AASDH: variants seen among roughly 807,000 people sequenced by gnomAD.
AASDH encodes the protein beta-alanine-activating enzyme.
Under a neutral mutation model 102.3 loss-of-function variants are expected in AASDH, and 81 were observed. That is an observed-to-expected ratio of 0.79 (90% CI 0.66 to 0.95). The LOEUF (loss-of-function observed/expected upper bound fraction) is 0.95, where lower values mean the gene tolerates loss of function less well. Among genes scored for constraint, AASDH ranks in the 40% least tolerant of loss-of-function variants. The pLI is 0.00. For synonymous variants in AASDH, 398 were observed against 454.0 expected, an observed-to-expected ratio of 0.88 and a Z score of 1.57; for missense variants, 1,203 against 1,266.2, an observed-to-expected ratio of 0.95 and a Z score of 0.76.
At chr4:56,338,858 T>G in intron 14 of AASDH, 67 bp from the exon 15 acceptor site, 25 of 1,442,990 alleles carry the variant, frequency 1.7e-5, no homozygotes, top group South Asian at 2.5e-5. Flanking sequence ...CTTAAAGCTC[T>G]ATGAGGTTCT....
chr4:56,354,883 C>A, intron 6 of AASDH, 72 bp from the exon 7 acceptor site: 1 of 1,222,756 alleles, frequency 8.2e-7, no homozygotes, highest in South Asian at 1.5e-5. Context: ...ATATTTAAAT[C>A]ATACTGTACC....
intron 10 of AASDH, among the ~76,000 whole-genome samples, 168 bp downstream of exon 10, chr4:56,351,174 T>C (rs7694439): frequency 0.46 from 70,320 of 152,020 alleles, 16,537 homozygotes; most frequent in Non-Finnish European, 0.49. Flanking sequence ...TAGTAGAGAA[T>C]CTAACCTTCA....
At chr4:56,354,390 GATAAA>G (rs1749354252) in intron 7 of AASDH, among the ~76,000 whole-genome samples, 179 bp from the exon 8 acceptor site, 1 of 151,868 alleles carries the variant, frequency 6.6e-6, no homozygotes, top group African/African-American at 2.4e-5. Flanking sequence ...AATAAGCAGA[GATAAA>G]ATGAAATTTA....
intron 5 of AASDH, among the ~76,000 whole-genome samples, chr4:56,364,463 A>T (rs1042483600): frequency 2.6e-5 from 4 of 152,224 alleles, no homozygotes; most frequent in African/African-American, 4.8e-5. Flanking sequence ...AAGGGCAGCC[A>T]GAGAGAAAGG....
chr4:56,368,051 G>A (rs1287756261), intron 5 of AASDH, among the ~76,000 whole-genome samples: 2 of 152,180 alleles, frequency 1.3e-5, no homozygotes, highest in African/African-American at 4.8e-5. Flanking sequence ...ATCAACAAGT[G>A]GGCGAAGGAT....
chr4:56,356,756 T>G, intron 5 of AASDH: 1 of 725,134 alleles, frequency 1.4e-6, no homozygotes, highest in Non-Finnish European at 2.5e-6. Context: ...CAGGTTAACT[T>G]GGAAGACAAA....
intron 5 of AASDH, among the ~76,000 whole-genome samples, chr4:56,359,637 C>A (rs1029806512): frequency 3.4e-5 from 5 of 147,776 alleles, no homozygotes; most frequent in Non-Finnish European, 6.0e-5. Flanking sequence ...TGGCTCACTG[C>A]AATCGCCACC....
At chr4:56,365,527 C>T (rs1326712499) in intron 5 of AASDH, among the ~76,000 whole-genome samples, 2 of 152,006 alleles carry the variant, frequency 1.3e-5, no homozygotes, top group African/African-American at 4.8e-5. Context: ...GTCTCTCAGA[C>T]CACAGTGCAA....
intron 11 of AASDH, among the ~76,000 whole-genome samples, chr4:56,346,819 G>C (rs1447959011): frequency 5.9e-5 from 9 of 152,260 alleles, no homozygotes; most frequent in African/African-American, 2.2e-4. Flanking sequence ...GAGGTGGGCA[G>C]ATCGCTTGAG....
At position 56,356,261 on chromosome 4, in the gene AASDH, G is replaced by A. The variant is rs950050436; in HGVS notation, c.862-838C>T. 42 of 933,004 alleles carry A rather than the reference G, an allele frequency of 4.5e-5. No homozygotes were observed. In the African/African-American group the frequency reaches 6.2e-4, roughly 14 times the overall value. 57.8% of individuals were successfully genotyped at this position (933,004 alleles called of 1,614,324 possible). On this transcript the variant is annotated intron_variant, in intron 5 of 14. Coordinates refer to ENST00000205214, the MANE Select transcript of AASDH (RefSeq NM_181806.4). ...GCCTAAGAATTTTGGCACTGAGCAA[G>A]ACATCCAGCCCAAAAGAGACCTCAC...
chr4:56,344,796 C>A (rs1327126714), intron 12 of AASDH, among the ~76,000 whole-genome samples: 1 of 152,058 alleles, frequency 6.6e-6, no homozygotes, highest in African/African-American at 2.4e-5. Context: ...ATGCTTTATT[C>A]TTCCCAGACC....
chr4:56,377,101 A>T (rs4864582), intron 4 of AASDH, among the ~76,000 whole-genome samples: 71 of 151,048 alleles, frequency 4.7e-4, no homozygotes, highest in Admixed American at 2.0e-3. Context: ...AAAATAAAAT[A>T]AAATTAACTT....
chr4:56,348,549 C>T (rs1748595164), intron 11 of AASDH, among the ~76,000 whole-genome samples: 2 of 152,122 alleles, frequency 1.3e-5, no homozygotes, highest in African/African-American at 4.8e-5. Context: ...GCCACCGCGC[C>T]TGGCTGAGTT....
At position 56,371,462 on chromosome 4, in the gene AASDH, T is replaced by C. The variant is rs1751694425; in HGVS notation, c.850A>G (p.Thr284Ala). The change falls in exon 5 of 15, where the codon ACT (threonine) becomes GCT (alanine). Residue 284 changes from threonine to alanine, a missense_variant. Transcript: ENST00000205214. ...CTACTAAAATGTACCTGCAAAACAG[T>C]CACTCTATGATGGGAAAAGAGAACG... ...ASVLFSHHRVTVLQATPTLLR... is the reference protein window; with the variant it reads ...ASVLFSHHRVAVLQATPTLLR... 6.2e-7 allele frequency: 1 copy of C among 1,600,674 alleles called. No homozygotes were observed. The highest frequency in any genetic ancestry group is 1.1e-5 in the South Asian group (1 of 87,082).
Position 56,338,439 on chromosome 4 carries a change from A to G in AASDH, c.3260T>C (p.Val1087Ala). 1 of 1,613,942 alleles carries G rather than the reference A, an allele frequency of 6.2e-7. No homozygotes were observed. Among genetic ancestry groups the G allele is most frequent in the Non-Finnish European group, 8.5e-7 (1 of 1,179,912 alleles). ...MLIIGCRDNYVYCLDLLGGNQ... is the reference protein window; with the variant it reads ...MLIIGCRDNYAYCLDLLGGNQ... ...GCCACCCAATAAATCCAGACAATAA[A>G]CATAATTATCTCTACACCCAATAAT... The change falls in exon 15 of 15, where the codon GTT (valine) becomes GCT (alanine). Residue 1087 changes from valine (V) to alanine (A), a missense_variant. Coordinates refer to ENST00000205214, the MANE Select transcript of AASDH (RefSeq NM_181806.4).
chr4:56,345,121 C>T lies in AASDH; in HGVS notation c.2652+6G>A. The T allele has an allele frequency of 1.2e-6, 2 of 1,613,318 alleles. No individual in the cohort carries two copies. The highest frequency in any genetic ancestry group is 1.7e-6 in the Non-Finnish European group (2 of 1,179,618). Reference sequence around the variant, plus strand: ...CATGCCCAGCTAATTTGAGGTCAATCCTTACATAAATATCTAAAGCATATG... The same window carrying T: ...CATGCCCAGCTAATTTGAGGTCAATTCTTACATAAATATCTAAAGCATATG... On this transcript the variant is annotated splice_donor_region_variant and intron_variant, in intron 12 of 14. Coordinates refer to ENST00000205214, the MANE Select transcript of AASDH (RefSeq NM_181806.4).
intron 5 of AASDH, 105 bp from the exon 6 acceptor site, chr4:56,355,528 T>C: frequency 1.9e-6 from 2 of 1,069,904 alleles, no homozygotes; most frequent in Non-Finnish European, 2.6e-6. Context: ...CACATGGAAA[T>C]GAAGGCTGTG....
intron 1 of AASDH, among the ~76,000 whole-genome samples, chr4:56,386,215 A>C (rs1578098428): frequency 6.6e-6 from 1 of 152,220 alleles, no homozygotes; most frequent in South Asian, 2.1e-4. Flanking sequence ...TTCCTCAGAC[A>C]TACAATGATC....
chr4:56,356,084 C>G (rs975036388), intron 5 of AASDH: 13 of 596,836 alleles, frequency 2.2e-5, no homozygotes, highest in Admixed American at 6.0e-5. Context: ...AAAAAGTATA[C>G]AAAAGGGTTT....
Sources: gnomAD v4.1 joint callset for allele counts (sites outside exome capture counted in the v4.1 genomes callset) on GRCh38, gnomAD v4.1.1 for gene constraint, MANE v1.5 for transcripts, NCBI Gene and HGNC (gene_info 2026-07-23, HGNC 2026-07-21) for gene names.